DYNC2LI1: variants seen among roughly 807,000 people sequenced by gnomAD.
The protein encoded by DYNC2LI1 is dynein cytoplasmic 2 light intermediate chain 1.
DYNC2LI1 carries 45 observed loss-of-function variants against 51.9 expected under a neutral mutation model. The ratio of observed to expected loss-of-function variants is 0.87; its 90% confidence interval spans 0.68 to 1.11. The LOEUF (loss-of-function observed/expected upper bound fraction) is 1.11. Ranked by LOEUF, DYNC2LI1 falls within the 50% of genes most tolerant of loss-of-function variation. The pLI is 0.00. For missense variants in DYNC2LI1, 490 were observed against 417.4 expected, an observed-to-expected ratio of 1.17 and a Z score of -1.51; for synonymous variants, 130 against 137.8, an observed-to-expected ratio of 0.94 and a Z score of 0.40.
Position 43,789,696 on chromosome 2 carries a change from A to G in DYNC2LI1, c.295A>G (p.Ile99Val), listed in dbSNP as rs755765538. Residue 99 changes from isoleucine to valine, a missense_variant, in exon 5 of 13, where the codon ATA (isoleucine) becomes GTA (valine). Transcript: ENST00000260605. Reference protein sequence around the residue: ...GGTSLLDLISIPITGDTLRTF... With the variant: ...GGTSLLDLISVPITGDTLRTF... ...AACCTCTTTATTGGACTTAATCAGC[A>G]TACCCATCACAGGTGACACCTTACG... 5 of 1,613,990 alleles carry G rather than the reference A, an allele frequency of 3.1e-6. No homozygotes were observed. Among genetic ancestry groups the G allele is most frequent in the East Asian group, 2.2e-5 (1 of 44,848 alleles).
chr2:43,816,001 G>C, the DYNC2LI1 span, among the ~76,000 whole-genome samples: 2 of 151,976 alleles, frequency 1.3e-5, no homozygotes, highest in African/African-American at 4.8e-5. Context: ...TGAGATGGTG[G>C]CTGCCTAGTG....
chr2:43,811,567 T>C (rs1354576187), downstream of DYNC2LI1, among the ~76,000 whole-genome samples: 1 of 152,106 alleles, frequency 6.6e-6, no homozygotes, highest in African/African-American at 2.4e-5. Flanking sequence ...TGAAGATCAA[T>C]CAGAAAGAGA....
At chr2:43,823,350 G>A in the DYNC2LI1 span, among the ~76,000 whole-genome samples, 2 of 126,028 alleles carry the variant, frequency 1.6e-5, no homozygotes, top group Admixed American at 1.0e-4. Flanking sequence ...CCCCACAGAT[G>A]CAGACACTTA....
downstream of DYNC2LI1, among the ~76,000 whole-genome samples, chr2:43,814,065 A>G (rs114063863): frequency 0.022 from 3,302 of 152,106 alleles, 83 homozygotes; most frequent in African/African-American, 0.062. Context: ...TTCTACTTCC[A>G]TCTGGTGGGA....
the DYNC2LI1 span, chr2:43,820,034 G>C: frequency 6.2e-7 from 1 of 1,614,208 alleles, no homozygotes; most frequent in Non-Finnish European, 8.5e-7. Context: ...CACCAATTAA[G>C]TGGGGGGCCA....
the DYNC2LI1 span, chr2:43,820,092 C>T: frequency 3.1e-6 from 5 of 1,613,710 alleles, no homozygotes; most frequent in Non-Finnish European, 4.2e-6. Context: ...AGGATGTAAG[C>T]CCAGCGTCCT....
intron 2 of DYNC2LI1, among the ~76,000 whole-genome samples, chr2:43,779,152 A>G (rs1673161466): frequency 6.6e-6 from 1 of 152,188 alleles, no homozygotes; most frequent in South Asian, 2.1e-4. Flanking sequence ...AGTCCCAGCT[A>G]CGTGGAAGAC....
chr2:43,786,549 A>T (rs898422963), intron 3 of DYNC2LI1, among the ~76,000 whole-genome samples: 6 of 152,094 alleles, frequency 3.9e-5, no homozygotes, highest in African/African-American at 1.4e-4. Context: ...GTATAAACCC[A>T]GTGTCACTTT....
downstream of DYNC2LI1, among the ~76,000 whole-genome samples, chr2:43,813,698 T>G (rs200647467): frequency 1.1e-3 from 141 of 129,176 alleles, 1 homozygote; most frequent in South Asian, 5.2e-3. Context: ...TTTTTTGGGG[T>G]TTTTTTTTTC....
rs969922530 is a variant in DYNC2LI1 at position 43,792,810 on chromosome 2, T to C, written c.321-1647T>C. On this transcript the variant is annotated intron_variant, in intron 5 of 12. Coordinates refer to ENST00000260605, the MANE Select transcript of DYNC2LI1 (RefSeq NM_016008.4). The stretch of plus-strand genomic sequence containing the variant: ...GCATAACGTCTTCAGGGTTCTTCCG[T>C]TTGTAGTATGTGTCAGGATTTCCCT... 91 of 1,523,916 alleles carry C rather than the reference T, an allele frequency of 6.0e-5. No homozygotes were observed. The African/African-American group carries it at 1.2e-3, about 20-fold the overall frequency. 94.4% of individuals were successfully genotyped at this position (1,523,916 alleles called of 1,614,324 possible).
At chr2:43,792,905 C>CAGAACAT in intron 5 of DYNC2LI1, 1 of 1,217,926 alleles carries the variant, frequency 8.2e-7, no homozygotes, top group South Asian at 2.0e-5. Flanking sequence ...TTAATCCATG[C>CAGAACAT]AGAACATTTG....
intron 9 of DYNC2LI1, chr2:43,801,281 C>T (rs1450738119): frequency 6.2e-6 from 1 of 161,706 alleles, no homozygotes; most frequent in Non-Finnish European, 1.3e-5. Flanking sequence ...ATACTAGCTC[C>T]CTGATTTCTT....
intron 8 of DYNC2LI1, among the ~76,000 whole-genome samples, chr2:43,798,068 A>G (rs1665948050): frequency 6.6e-6 from 1 of 152,034 alleles, no homozygotes; most frequent in South Asian, 2.1e-4. Context: ...TCAAGGCTGC[A>G]GTGAACCAAA....
intron 12 of DYNC2LI1, among the ~76,000 whole-genome samples, chr2:43,807,072 T>C (rs531177451): frequency 2.0e-4 from 31 of 152,310 alleles, no homozygotes; most frequent in Admixed American, 9.2e-4. Flanking sequence ...TGTTATTTCA[T>C]TGATAATCCG....
intron 2 of DYNC2LI1, among the ~76,000 whole-genome samples, chr2:43,782,593 A>G (rs1379797252): frequency 3.3e-5 from 5 of 151,822 alleles, no homozygotes; most frequent in African/African-American, 7.3e-5. Flanking sequence ...TAAAAATGAT[A>G]TAAACCACTG....
intron 5 of DYNC2LI1, 37 bp downstream of exon 5, chr2:43,789,758 C>T: frequency 6.4e-7 from 1 of 1,566,448 alleles, no homozygotes; most frequent in South Asian, 1.1e-5. Context: ...TGTAAGTACA[C>T]AGGAGTGTCC....
At chr2:43,821,084 C>T in the DYNC2LI1 span, among the ~76,000 whole-genome samples, 1 of 152,180 alleles carries the variant, frequency 6.6e-6, no homozygotes, top group Non-Finnish European at 1.5e-5. Flanking sequence ...GCTCTTTATC[C>T]CATTTGTAGA....
At chr2:43,816,222 G>A in the DYNC2LI1 span, among the ~76,000 whole-genome samples, 2 of 152,200 alleles carry the variant, frequency 1.3e-5, no homozygotes, top group Non-Finnish European at 2.9e-5. Flanking sequence ...AGGCCTAATT[G>A]GTCCAAGGCC....
intron 5 of DYNC2LI1, among the ~76,000 whole-genome samples, chr2:43,792,455 C>T (rs1279725543): frequency 3.3e-5 from 5 of 152,180 alleles, no homozygotes; most frequent in Admixed American, 6.5e-5. Context: ...TATGGTTCTA[C>T]ATACTTATTA....
Sources: allele counts gnomAD v4.1 joint callset (sites outside exome capture counted in the v4.1 genomes callset), GRCh38; gene constraint gnomAD v4.1.1; transcripts MANE v1.5; gene names NCBI Gene and HGNC (gene_info 2026-07-23, HGNC 2026-07-21).